The following TMEM117 variants were observed in gnomAD, a reference collection of about 807,000 sequenced individuals.
TMEM117 encodes transmembrane protein 117.
A neutral mutation model predicts 52.4 loss-of-function variants in TMEM117; 27 were observed. The observed-to-expected ratio is 0.51, with a 90% CI of 0.38 to 0.71. TMEM117 has a LOEUF of 0.71. TMEM117 is among the 30% of genes least tolerant of loss of function. TMEM117 has a pLI of 0.00. For synonymous variants in TMEM117, 215 were observed against 206.3 expected (o/e 1.04, Z -0.36); for missense variants, 556 against 630.5 (o/e 0.88, Z 1.26).
chr12:44,090,398 T>TTTTTTTTA, intron 3 of TMEM117, among the ~76,000 whole-genome samples: 1 of 123,222 alleles, frequency 8.1e-6, no homozygotes, highest in African/African-American at 3.2e-5. Context: ...TTATCTTACT[T>TTTTTTTTA]TTTATTTATT....
At chr12:43,968,731 C>T (rs1236334885) in intron 3 of TMEM117, among the ~76,000 whole-genome samples, 1 of 152,006 alleles carries the variant, frequency 6.6e-6, no homozygotes, top group Non-Finnish European at 1.5e-5. Flanking sequence ...TAGCACAATA[C>T]AAATTATTAG....
intron 3 of TMEM117, among the ~76,000 whole-genome samples, chr12:44,096,536 A>G (rs1454043431): frequency 2.6e-5 from 4 of 152,062 alleles, no homozygotes; most frequent in Non-Finnish European, 5.9e-5. Flanking sequence ...ATGGAACAGA[A>G]CAGAGCCCTC....
intron 3 of TMEM117, among the ~76,000 whole-genome samples, chr12:43,970,589 G>A (rs1945567336): frequency 6.6e-6 from 1 of 152,106 alleles, no homozygotes; most frequent in African/African-American, 2.4e-5. Flanking sequence ...CACCTGGCCT[G>A]CTCTACTTTA....
intron 2 of TMEM117, among the ~76,000 whole-genome samples, chr12:43,885,142 A>G (rs1053052665): frequency 6.6e-6 from 1 of 152,172 alleles, no homozygotes; most frequent in Non-Finnish European, 1.5e-5. Context: ...GCAAGCCAAT[A>G]AACACTTCAT....
At chr12:44,101,446 C>T (rs1336578520) in intron 3 of TMEM117, among the ~76,000 whole-genome samples, 2 of 151,916 alleles carry the variant, frequency 1.3e-5, no homozygotes, top group East Asian at 3.9e-4. Context: ...AATGTGGGTC[C>T]AAATCTTCAG....
chr12:44,010,178 A>G (rs748217946), intron 3 of TMEM117: 3 of 515,534 alleles, frequency 5.8e-6, no homozygotes, highest in South Asian at 4.2e-5. Flanking sequence ...TGTGTGTGAC[A>G]CTGACACCCA....
intron 3 of TMEM117, among the ~76,000 whole-genome samples, chr12:44,024,125 C>T (rs1946495839): frequency 6.6e-6 from 1 of 152,092 alleles, no homozygotes; most frequent in South Asian, 2.1e-4. Context: ...GACATTTGCT[C>T]CTTGTGAGCC....
chr12:43,851,245 A>T (rs1427178660), intron 2 of TMEM117, among the ~76,000 whole-genome samples: 1 of 152,126 alleles, frequency 6.6e-6, no homozygotes, highest in African/African-American at 2.4e-5. Flanking sequence ...ATTGGTTATA[A>T]ATTTAATTTT....
chr12:44,136,996 C>T (rs371882772), intron 3 of TMEM117, among the ~76,000 whole-genome samples: 2 of 151,660 alleles, frequency 1.3e-5, no homozygotes, highest in African/African-American at 4.8e-5. Flanking sequence ...CCTACTTTGG[C>T]CCTGATGTCA....
chr12:43,835,878 G>A (rs1943016969), upstream of TMEM117: 1 of 152,050 alleles, frequency 6.6e-6, no homozygotes, highest in Non-Finnish European at 1.5e-5. Flanking sequence ...CATGCCTCCA[G>A]CTGCAGAGGT....
intron 2 of TMEM117, among the ~76,000 whole-genome samples, chr12:43,861,679 C>T (rs960464004): frequency 2.4e-4 from 36 of 152,120 alleles, no homozygotes; most frequent in Non-Finnish European, 4.4e-4. Flanking sequence ...CATATTTTAG[C>T]TTTAGGTATG....
chr12:43,835,998 C>T (rs1345306878), upstream of TMEM117: 10 of 151,270 alleles, frequency 6.6e-5, no homozygotes, highest in African/African-American at 9.7e-5. Flanking sequence ...CGCGGTGAAG[C>T]ACCGGCGCGG....
the TMEM117 span, among the ~76,000 whole-genome samples, chr12:43,817,375 C>T: frequency 1.3e-5 from 2 of 152,170 alleles, no homozygotes; most frequent in African/African-American, 2.4e-5. Context: ...GAGATATTCC[C>T]TTGATTATAT....
chr12:43,947,528 A>G (rs1945153022), intron 3 of TMEM117, among the ~76,000 whole-genome samples: 1 of 152,176 alleles, frequency 6.6e-6, no homozygotes, highest in East Asian at 1.9e-4. Flanking sequence ...TTTCTGAGGT[A>G]TTGCTTCATC....
At chr12:44,358,369 TAAA>T (rs1191541940) in intron 6 of TMEM117, among the ~76,000 whole-genome samples, 4 of 152,086 alleles carry the variant, frequency 2.6e-5, no homozygotes, top group Admixed American at 2.0e-4. Context: ...AAAAATGAAA[TAAA>T]GAAGTAGCAA....
intron 4 of TMEM117, among the ~76,000 whole-genome samples, chr12:44,150,981 T>C (rs920818682): frequency 2.0e-5 from 3 of 152,136 alleles, no homozygotes; most frequent in African/African-American, 7.2e-5. Context: ...AATTCCATAG[T>C]ATGTGATAGG....
chr12:44,143,406 A>G, intron 3 of TMEM117, 119 bp from the exon 4 acceptor site: 1 of 645,054 alleles, frequency 1.6e-6, no homozygotes, highest in Non-Finnish European at 2.6e-6. Flanking sequence ...ATGTGATGGG[A>G]CAAGAGCCAG....
intron 2 of TMEM117, among the ~76,000 whole-genome samples, chr12:43,874,018 G>C (rs1035426478): frequency 6.6e-6 from 1 of 151,028 alleles, no homozygotes; most frequent in African/African-American, 2.4e-5. Flanking sequence ...TTTTTCATTT[G>C]TTATATTCTA....
intron 6 of TMEM117, among the ~76,000 whole-genome samples, chr12:44,356,147 C>T (rs1951645273): frequency 6.6e-6 from 1 of 152,026 alleles, no homozygotes; most frequent in Non-Finnish European, 1.5e-5. Context: ...AATACAAGGT[C>T]CTGAAATGCC....
Sources: allele counts gnomAD v4.1 joint callset (sites outside exome capture counted in the v4.1 genomes callset), GRCh38; gene constraint gnomAD v4.1.1; transcripts MANE v1.5; gene names NCBI Gene and HGNC (gene_info 2026-07-23, HGNC 2026-07-21).